Variants in SBF2 observed in about 807,000 individuals in gnomAD.
SBF2 encodes the protein myotubularin-related protein 13.
A neutral mutation model predicts 225.2 loss-of-function variants in SBF2; 112 were observed. The observed-to-expected ratio is 0.50, with a 90% CI of 0.43 to 0.58. The LOEUF (loss-of-function observed/expected upper bound fraction) is 0.58. Ranked by LOEUF, SBF2 falls within the 20% of genes least tolerant of loss-of-function variation. The pLI, the probability that SBF2 is intolerant of heterozygous loss-of-function variation, is 0.00. For synonymous variants in SBF2, 763 were observed against 773.3 expected (o/e 0.99, Z 0.22); for missense variants, 1,996 against 2,206.2 (o/e 0.90, Z 1.91).
chr11:9,968,343 A>G lies in SBF2; in HGVS notation c.1598T>C (p.Val533Ala), dbSNP rs756897983. The G allele has an allele frequency of 6.2e-6, 10 of 1,612,876 alleles. No individual in the cohort carries two copies. The highest frequency in any genetic ancestry group is 1.3e-5 in the African/African-American group (1 of 74,884). Residue 533 changes from valine (V) to alanine (A), a missense_variant and splice_region_variant, in exon 14 of 40, where the codon GTT becomes GCT. Val to Ala is a moderately conservative substitution (Grantham distance 64). Coordinates refer to ENST00000256190, the MANE Select transcript of SBF2 (RefSeq NM_030962.4). ...KKCVVPAGPPVVSIMDKVTTV... is the reference protein window; with the variant it reads ...KKCVVPAGPPAVSIMDKVTTV... ...AAAACAGACAGACAAATACATACCA[A>G]CAGGTGGACCTGCTGGCACAACACA...
chr11:9,958,357 CT>C (rs963362526), intron 16 of SBF2: 1,659 of 133,510 alleles, frequency 0.012, 17 homozygotes, highest in African/African-American at 0.04. Context: ...TCCATCCTTT[CT>C]TTTTTTTTTT....
chr11:9,890,467 G>A (rs1860710920), intron 17 of SBF2, among the ~76,000 whole-genome samples: 1 of 152,170 alleles, frequency 6.6e-6, no homozygotes, highest in Non-Finnish European at 1.5e-5. Flanking sequence ...CTGAGAATGA[G>A]TGTCTGAATA....
At chr11:10,274,456 A>T (rs1962791816) in intron 1 of SBF2, among the ~76,000 whole-genome samples, 1 of 152,144 alleles carries the variant, frequency 6.6e-6, no homozygotes, top group Non-Finnish European at 1.5e-5. Context: ...TTATTAAGAG[A>T]ATTATAAAGT....
chr11:9,803,250 G>A (rs1853593574), intron 32 of SBF2, among the ~76,000 whole-genome samples: 1 of 151,454 alleles, frequency 6.6e-6, no homozygotes, highest in Non-Finnish European at 1.5e-5. Flanking sequence ...CTTAAATTCA[G>A]CTGATTAGTA....
At chr11:9,969,414 G>A (rs1394152038) in intron 13 of SBF2, among the ~76,000 whole-genome samples, 2 of 152,134 alleles carry the variant, frequency 1.3e-5, no homozygotes, top group Non-Finnish European at 1.5e-5. Context: ...CATTCCAATG[G>A]CTTGTCATCT....
chr11:10,220,833 A>T lies in SBF2; in HGVS notation c.56-26846T>A, dbSNP rs538191968. 2.6e-5 allele frequency among the ~76,000 whole-genome samples: 4 copies of T among 152,186 alleles called. No homozygotes were observed. The South Asian group carries it at 8.3e-4, about 32-fold the overall frequency. On this transcript the variant is annotated intron_variant, in intron 1 of 39. Coordinates refer to ENST00000256190, the MANE Select transcript of SBF2 (RefSeq NM_030962.4). ...CTACTTGCAATTCTTCCAACCTGTC[A>T]TTCATTGTTAGGCCCCCACATACAT...
At chr11:10,098,614 C>T (rs961272324) in intron 2 of SBF2, among the ~76,000 whole-genome samples, 2 of 149,642 alleles carry the variant, frequency 1.3e-5, no homozygotes, top group African/African-American at 5.0e-5. Flanking sequence ...CAAGAGGTCA[C>T]AGACAACTCG....
At chr11:10,206,671 T>C (rs1027685915) in intron 1 of SBF2, among the ~76,000 whole-genome samples, 4 of 152,016 alleles carry the variant, frequency 2.6e-5, no homozygotes, top group African/African-American at 9.7e-5. Flanking sequence ...ACAGAAATTA[T>C]AAAACTAAAA....
At chr11:10,179,049 A>G (rs887614186) in intron 2 of SBF2, among the ~76,000 whole-genome samples, 9 of 147,580 alleles carry the variant, frequency 6.1e-5, no homozygotes, top group Non-Finnish European at 1.2e-4. Context: ...TTGTAGGGAC[A>G]TGGATGAAAT....
chr11:10,063,830 A>AACACACACAC (rs140036479), intron 2 of SBF2, among the ~76,000 whole-genome samples: 2 of 140,160 alleles, frequency 1.4e-5, no homozygotes, highest in African/African-American at 2.6e-5. Flanking sequence ...TCTAAAATAA[A>AACACACACAC]ACACACACAC....
chr11:10,006,012 G>A (rs553666045), intron 6 of SBF2, among the ~76,000 whole-genome samples: 23 of 152,284 alleles, frequency 1.5e-4, no homozygotes, highest in African/African-American at 5.3e-4. Context: ...AGGTTCATGA[G>A]AGTGGTAGGG....
At chr11:9,966,775 T>C (rs963255154) in intron 14 of SBF2, among the ~76,000 whole-genome samples, 5 of 152,096 alleles carry the variant, frequency 3.3e-5, no homozygotes, top group African/African-American at 1.2e-4. Context: ...CATGAAAAAA[T>C]GTTCAGTATC....
chr11:10,095,360 A>G (rs1185116065), intron 2 of SBF2, among the ~76,000 whole-genome samples: 1 of 152,204 alleles, frequency 6.6e-6, no homozygotes, highest in Non-Finnish European at 1.5e-5. Flanking sequence ...CTGATGTAAG[A>G]CCAGAGGGCT....
At chr11:10,148,300 T>C (rs1954981861) in intron 2 of SBF2, among the ~76,000 whole-genome samples, 1 of 152,212 alleles carries the variant, frequency 6.6e-6, no homozygotes, top group East Asian at 1.9e-4. Flanking sequence ...GATCTACTTT[T>C]GAGGACATAA....
chr11:9,858,513 G>C lies in SBF2; in HGVS notation c.1930-117C>G, dbSNP rs532510609. On this transcript the variant is annotated intron_variant, in intron 17 of 39. Coordinates refer to ENST00000256190, the MANE Select transcript of SBF2 (RefSeq NM_030962.4). ...TCAAAGGATTTCTCTAAAGAATATC[G>C]TATGGTAGTACAGGCTTAGCAATCA... The C allele has an allele frequency of 6.8e-5, 72 of 1,054,612 alleles. No individual in the cohort carries two copies. In the South Asian group the frequency reaches 9.8e-4, roughly 14 times the overall value. 65.3% of individuals were successfully genotyped at this position (1,054,612 alleles called of 1,614,324 possible).
chr11:9,982,183 G>A (rs72857132), intron 13 of SBF2, among the ~76,000 whole-genome samples: 7,344 of 151,602 alleles, frequency 0.048, 215 homozygotes, highest in Middle Eastern at 0.14. Context: ...TCAGCTTTTC[G>A]CTCCCTCTGT....
chr11:9,827,131 C>T (rs1358981437), intron 28 of SBF2, among the ~76,000 whole-genome samples: 1 of 152,138 alleles, frequency 6.6e-6, no homozygotes, highest in Non-Finnish European at 1.5e-5. Flanking sequence ...AGCCACCGTG[C>T]CCGGCCTACT....
chr11:10,085,429 G>A (rs1951527074), intron 2 of SBF2, among the ~76,000 whole-genome samples: 1 of 151,988 alleles, frequency 6.6e-6, no homozygotes, highest in Non-Finnish European at 1.5e-5. Flanking sequence ...ATCTAGAGAA[G>A]ATTTTATTTC....
intron 2 of SBF2, among the ~76,000 whole-genome samples, chr11:10,193,403 A>G (rs977266542): frequency 3.8e-5 from 5 of 130,300 alleles, no homozygotes; most frequent in Admixed American, 1.9e-4. Flanking sequence ...CGCCCAGGCT[A>G]GAGCGCAGTG....
Sources: allele counts gnomAD v4.1 joint callset (sites outside exome capture counted in the v4.1 genomes callset), GRCh38; gene constraint gnomAD v4.1.1; transcripts MANE v1.5; gene names NCBI Gene and HGNC (gene_info 2026-07-23, HGNC 2026-07-21).